TLL1: variants seen among roughly 807,000 people sequenced by gnomAD.
TLL1 encodes tolloid-like protein 1.
Under a neutral mutation model 128.2 loss-of-function variants are expected in TLL1, and 49 were observed. The observed-to-expected ratio is 0.38, with a 90% CI of 0.30 to 0.48. TLL1 has a LOEUF of 0.48. Ranked by LOEUF, TLL1 falls within the 20% of genes least tolerant of loss-of-function variation. The pLI, the probability that TLL1 is intolerant of heterozygous loss-of-function variation, is 0.96. For missense variants in TLL1, 1,123 were observed against 1,242.0 expected (o/e 0.90, Z 1.44); for synonymous variants, 454 against 418.8 (o/e 1.08, Z -1.03).
chr4:165,992,571 A>C (rs938495003), intron 2 of TLL1, among the ~76,000 whole-genome samples: 4 of 152,038 alleles, frequency 2.6e-5, no homozygotes, highest in Admixed American at 6.6e-5. Flanking sequence ...ATGATGTCCA[A>C]ATAAAGTTAT....
chr4:166,025,046 T>G (rs1738429380), intron 8 of TLL1, among the ~76,000 whole-genome samples: 1 of 152,150 alleles, frequency 6.6e-6, no homozygotes, highest in African/African-American at 2.4e-5. Context: ...TGGAAATGAA[T>G]GAAAAAGGTT....
intron 1 of TLL1, among the ~76,000 whole-genome samples, chr4:165,927,073 C>T (rs1733306990): frequency 6.6e-6 from 1 of 152,114 alleles, no homozygotes; most frequent in Non-Finnish European, 1.5e-5. Context: ...TAGAACTCTG[C>T]AAACTATGAA....
chr4:166,027,058 G>A (rs1268170104), intron 9 of TLL1, among the ~76,000 whole-genome samples: 4 of 152,054 alleles, frequency 2.6e-5, no homozygotes, highest in African/African-American at 4.8e-5. Context: ...TTATGCAGCC[G>A]TAAAAAAGAA....
intron 1 of TLL1, among the ~76,000 whole-genome samples, chr4:165,921,696 G>A (rs1002884370): frequency 6.6e-6 from 1 of 152,140 alleles, no homozygotes; most frequent in Non-Finnish European, 1.5e-5. Context: ...CCAGAAACAG[G>A]AAAAGCAGTG....
At chr4:165,953,352 A>C (rs1359131713) in intron 1 of TLL1, among the ~76,000 whole-genome samples, 1 of 152,014 alleles carries the variant, frequency 6.6e-6, no homozygotes, top group African/African-American at 2.4e-5. Context: ...CACATGCTGC[A>C]GCTCCCCCAT....
intron 1 of TLL1, among the ~76,000 whole-genome samples, chr4:165,889,000 C>T (rs1481862108): frequency 6.6e-6 from 1 of 152,168 alleles, no homozygotes; most frequent in Admixed American, 6.5e-5. Flanking sequence ...TCTCTGGATT[C>T]TCTCATTCAC....
At chr4:166,054,855 G>C (rs1350649977) in intron 12 of TLL1, among the ~76,000 whole-genome samples, 1 of 151,770 alleles carries the variant, frequency 6.6e-6, no homozygotes. Flanking sequence ...TGGATGTACT[G>C]TTTCATAGTT....
chr4:166,013,719 T>C (rs1263388410), intron 7 of TLL1, among the ~76,000 whole-genome samples: 1 of 151,772 alleles, frequency 6.6e-6, no homozygotes, highest in Non-Finnish European at 1.5e-5. Flanking sequence ...TTCAGAACTT[T>C]AGATCATGCA....
At chr4:166,028,916 G>A (rs1738627108) in intron 9 of TLL1, among the ~76,000 whole-genome samples, 1 of 151,810 alleles carries the variant, frequency 6.6e-6, no homozygotes, top group Admixed American at 6.6e-5. Flanking sequence ...TCAGTGGATG[G>A]CAGGTTTTGT....
chr4:166,038,248 T>C (rs1044190296), intron 9 of TLL1, among the ~76,000 whole-genome samples: 10 of 152,204 alleles, frequency 6.6e-5, no homozygotes, highest in Non-Finnish European at 1.2e-4. Flanking sequence ...CTTCTTTTTT[T>C]CTTCCTTCCT....
chr4:166,024,193 G>T (rs1738382697), intron 8 of TLL1, among the ~76,000 whole-genome samples: 1 of 152,116 alleles, frequency 6.6e-6, no homozygotes, highest in South Asian at 2.1e-4. Context: ...ATATTGTGTT[G>T]TACAAACATA....
chr4:165,908,427 C>T (rs539520721), intron 1 of TLL1, among the ~76,000 whole-genome samples: 20 of 151,904 alleles, frequency 1.3e-4, no homozygotes, highest in African/African-American at 4.6e-4. Flanking sequence ...CCCATCTGTA[C>T]TAAAAATTAT....
intron 1 of TLL1, among the ~76,000 whole-genome samples, chr4:165,886,599 T>G (rs992738234): frequency 3.3e-5 from 5 of 152,184 alleles, no homozygotes; most frequent in African/African-American, 1.2e-4. Context: ...AATCTGAGAA[T>G]GCACTAGTCC....
intron 1 of TLL1, among the ~76,000 whole-genome samples, chr4:165,930,600 A>G (rs1018941260): frequency 1.3e-5 from 2 of 152,146 alleles, no homozygotes; most frequent in African/African-American, 2.4e-5. Flanking sequence ...AATATGTACT[A>G]TCTGGCTCTT....
intron 1 of TLL1, 71 bp downstream of exon 1, chr4:165,874,144 T>G (rs1560999283): frequency 3.8e-6 from 6 of 1,580,198 alleles, no homozygotes; most frequent in Non-Finnish European, 4.3e-6. Flanking sequence ...TGGGTGGCGG[T>G]GGGAGCTCAC....
chr4:165,924,732 CTAGGACTT>C (rs1733191504), intron 1 of TLL1, among the ~76,000 whole-genome samples: 1 of 152,180 alleles, frequency 6.6e-6, no homozygotes. Context: ...AAGATGCCAT[CTAGGACTT>C]TCATAGTTAG....
In TLL1 at chr4:165,907,567, A is replaced by G. The variant is rs546899683; in HGVS notation, c.169+33494A>G. Among the ~76,000 whole-genome samples, 258 of 135,236 alleles carry G rather than the reference A, an allele frequency of 1.9e-3. 1 individual carries two copies. The highest frequency in any genetic ancestry group is 7.1e-3 in the African/African-American group (242 of 34,096). The allele number at this position is 135,236 out of a possible 152,430, so 88.7% of individuals were successfully genotyped here. ...ATGCAAGCCTTTTTTTTTTTTTTTG[A>G]GACGGAGTTTTGATCTTGTTGCCCA... On this transcript the variant is annotated intron_variant, in intron 1 of 20. Coordinates refer to ENST00000061240, the MANE Select transcript of TLL1 (RefSeq NM_012464.5).
At chr4:166,068,301 A>G (rs1282443493) in intron 16 of TLL1, among the ~76,000 whole-genome samples, 1 of 151,822 alleles carries the variant, frequency 6.6e-6, no homozygotes, top group East Asian at 1.9e-4. Context: ...GTGAATAAAT[A>G]TCCTCATTAT....
At position 166,102,856 on chromosome 4, in the gene TLL1, G is replaced by A. The variant is rs1331536706; in HGVS notation, c.*1980G>A. The A allele has an allele frequency of 1.3e-5, 2 of 151,826 alleles. No individual in the cohort carries two copies. The highest frequency in any genetic ancestry group is 2.9e-5 in the Non-Finnish European group (2 of 67,896). 9.4% of individuals were successfully genotyped at this position (151,826 alleles called of 1,614,324 possible). A position where few individuals can be genotyped will look rare whatever the true frequency, so the allele number is the denominator to read the frequency against. On this transcript the variant is annotated 3_prime_UTR_variant, in exon 21 of 21. Coordinates refer to ENST00000061240, the MANE Select transcript of TLL1 (RefSeq NM_012464.5). ...CAATGTAGATGAGCCTTTTAGTAGA[G>A]CTGATTTATTCCAGTAACTTCTTCC...
Sources: gnomAD v4.1 joint callset for allele counts (sites outside exome capture counted in the v4.1 genomes callset) on GRCh38, gnomAD v4.1.1 for gene constraint, MANE v1.5 for transcripts, NCBI Gene and HGNC (gene_info 2026-07-23, HGNC 2026-07-21) for gene names.